NLRC3: variants seen among roughly 807,000 people sequenced by gnomAD.
The protein encoded by NLRC3 is NLR family CARD domain containing 3.
Under a neutral mutation model 91.6 loss-of-function variants are expected in NLRC3, and 87 were observed. The ratio of observed to expected loss-of-function variants is 0.95; its 90% CI spans 0.80 to 1.14. The LOEUF (loss-of-function observed/expected upper bound fraction) is 1.14. NLRC3 is among the 50% of genes most tolerant of loss of function. NLRC3 has a pLI of 0.00. For synonymous variants in NLRC3, 694 were observed against 625.3 expected, an observed-to-expected ratio of 1.11 and a Z score of -1.64; for missense variants, 1,577 against 1,418.6, an observed-to-expected ratio of 1.11 and a Z score of -1.79.
In NLRC3 at chr16:3,563,620, C is replaced by G; in HGVS notation, c.1317G>C (p.Leu439=). ...ACGATGCCAACGTCTCCTCTCTCTG[C>G]AGGAAGCAGCTGCACGGGGCGCCCT... ...LLQGAPCSCF[L]QREETLASSV... The change falls in exon 5 of 20, where the codon CTG becomes CTC. Residue 439 remains leucine, a synonymous_variant. Coordinates refer to ENST00000359128, the MANE Select transcript of NLRC3 (RefSeq NM_178844.4). 1 of 1,613,506 alleles carries G rather than the reference C, an allele frequency of 6.2e-7. No individual in the cohort carries two copies. The highest frequency in any genetic ancestry group is 1.3e-5 in the African/African-American group (1 of 75,056).
Position 3,563,262 on chromosome 16 carries a change from C to A in NLRC3, c.1675G>T (p.Ala559Ser). 1 of 1,605,322 alleles carries A rather than the reference C, an allele frequency of 6.2e-7. No homozygotes were observed. Among genetic ancestry groups the A allele is most frequent in the Non-Finnish European group, 8.5e-7 (1 of 1,177,646 alleles). The change falls in exon 5 of 20, where the codon GCA (alanine) becomes TCA (serine). Residue 559 changes from alanine (A) to serine (S), a missense_variant. Ala to Ser is a moderately conservative substitution (Grantham distance 99, BLOSUM62 1). Coordinates refer to ENST00000359128, the MANE Select transcript of NLRC3 (RefSeq NM_178844.4). ...LLQGCLRPDA[A>S]VCARAINVLH... ...ACGTTGATGGCCCGTGCACAGACTGCGGCATCGGGGCGCAGGCAGCCCTGC... is the reference window on the plus strand; with the variant it reads ...ACGTTGATGGCCCGTGCACAGACTGAGGCATCGGGGCGCAGGCAGCCCTGC...
At position 3,570,544 on chromosome 16, in the gene NLRC3, T is replaced by C. The variant is rs577668954; in HGVS notation, c.-168-3220A>G. Among the ~76,000 whole-genome samples the C allele has an allele frequency of 1.2e-4, 19 of 152,180 alleles. 1 individual carries two copies. The South Asian group carries it at 3.7e-3, about 30-fold the overall frequency. ...CTGGTGGTTAGTGCTGTGAGTGGAA[T>C]AAACTGTGAGTGACAAAGAAGCCTG... On this transcript the variant is annotated intron_variant, in intron 1 of 19. Coordinates refer to ENST00000359128, the MANE Select transcript of NLRC3 (RefSeq NM_178844.4).
intron 16 of NLRC3, 67 bp downstream of exon 16, chr16:3,544,179 A>AAT: frequency 1.1e-6 from 1 of 886,024 alleles, no homozygotes; most frequent in Non-Finnish European, 1.8e-6. Context: ...AAAAAAAAAA[A>AAT]GACCTCTAAC....
At chr16:3,551,212 C>G (rs2038978729) in intron 10 of NLRC3, among the ~76,000 whole-genome samples, 3 of 151,688 alleles carry the variant, frequency 2.0e-5, no homozygotes, top group African/African-American at 7.3e-5. Flanking sequence ...ATCCATTCAT[C>G]TATCCATTCA....
chr16:3,541,679 C>A lies in NLRC3; in HGVS notation c.*146G>T, dbSNP rs1349540328. 1 of 629,430 alleles carries A rather than the reference C, an allele frequency of 1.6e-6. No individual in the cohort carries two copies. The highest frequency in any genetic ancestry group is 2.8e-6 in the Non-Finnish European group (1 of 352,336). The allele number at this position is 629,430 out of a possible 1,614,324, so 39.0% of individuals were successfully genotyped here. A position where few individuals can be genotyped will look rare whatever the true frequency, so the allele number is the denominator to read the frequency against. ...AGGAGCTCACGACCTCCTCCGGCAG[C>A]ACCTCTCCTTCCTCCCTGCAGAGCC... On this transcript the variant is annotated 3_prime_UTR_variant, in exon 20 of 20. Transcript: ENST00000359128.
intron 7 of NLRC3, 77 bp downstream of exon 7, chr16:3,557,516 G>T: frequency 1.2e-6 from 1 of 824,296 alleles, no homozygotes; most frequent in Non-Finnish European, 2.1e-6. Flanking sequence ...TTCCTAGGAG[G>T]GAGGGGACTT....
At chr16:3,554,638 A>G (rs1167782637) in intron 8 of NLRC3, among the ~76,000 whole-genome samples, 1 of 152,242 alleles carries the variant, frequency 6.6e-6, no homozygotes, top group Non-Finnish European at 1.5e-5. Flanking sequence ...GTGAGAATAC[A>G]GAGAAACTGC....
intron 1 of NLRC3, among the ~76,000 whole-genome samples, chr16:3,574,877 G>A (rs1266791317): frequency 6.6e-5 from 10 of 152,074 alleles, no homozygotes; most frequent in East Asian, 1.9e-4. Context: ...CAGGAGAATC[G>A]CCTGAACTCA....
At chr16:3,558,461 C>T (rs540569782) in intron 6 of NLRC3, among the ~76,000 whole-genome samples, 7 of 152,104 alleles carry the variant, frequency 4.6e-5, no homozygotes, top group Non-Finnish European at 8.8e-5. Flanking sequence ...GAAAATTTAA[C>T]AATCAGCTTT....
At position 3,552,342 on chromosome 16, in the gene NLRC3, C is replaced by CGGTTCA. The variant is rs2039062405; in HGVS notation, c.2268-69_2268-64dup. ...GTCACAGCCATTCCCAGGCCAAGGA[C>CGGTTCA]GGTTCAGGTTCAAGGTCAGGGACAA... On this transcript the variant is annotated intron_variant, in intron 9 of 19. Transcript: ENST00000359128. 4 of 1,226,120 alleles carry CGGTTCA rather than the reference C, an allele frequency of 3.3e-6. 1 individual carries two copies. The Admixed American group carries it at 6.8e-5, about 21-fold the overall frequency. The allele number at this position is 1,226,120 out of a possible 1,614,324, so 76.0% of individuals were successfully genotyped here. A position where few individuals can be genotyped will look rare whatever the true frequency, so the allele number is the denominator to read the frequency against.
chr16:3,572,960 C>T (rs1184075353), intron 1 of NLRC3, among the ~76,000 whole-genome samples: 1 of 142,302 alleles, frequency 7.0e-6, no homozygotes, highest in African/African-American at 2.7e-5. Context: ...TGCAGTGAGC[C>T]GAGATGGTGC....
rs143480064 is a variant in NLRC3 at position 3,550,383 on chromosome 16, G to A, written c.2435+31C>T. The A allele has an allele frequency of 7.0e-4, 1,043 of 1,482,298 alleles. 5 individuals are homozygous for A. The African/African-American group carries it at 9.3e-3, about 13-fold the overall frequency. 91.8% of individuals were successfully genotyped at this position (1,482,298 alleles called of 1,614,324 possible). A position where few individuals can be genotyped will look rare whatever the true frequency, so the allele number is the denominator to read the frequency against. On this transcript the variant is annotated intron_variant, in intron 11 of 19. Transcript: ENST00000359128. ...ACTATCTACTGGAAAGAGAACCCAG[G>A]GGGAATCGTCACCCTGGCAGGTGGA...
rs1228562648 is a variant in NLRC3 at position 3,540,531 on chromosome 16, A to T, written c.*1294T>A. On this transcript the variant is annotated 3_prime_UTR_variant, in exon 20 of 20. Coordinates refer to ENST00000359128, the MANE Select transcript of NLRC3 (RefSeq NM_178844.4). The stretch of plus-strand genomic sequence containing the variant: ...AAGGAATGACATCACTGCCAGGTGC[A>T]GTGGCTCACACCTGTAATCCCAGCA... 1 of 152,214 alleles carries T rather than the reference A, an allele frequency of 6.6e-6. No individual in the cohort carries two copies. Among genetic ancestry groups the T allele is most frequent in the Non-Finnish European group, 1.5e-5 (1 of 68,080 alleles). 9.4% of individuals were successfully genotyped at this position (152,214 alleles called of 1,614,324 possible).
At chr16:3,542,126 G>T in intron 19 of NLRC3, 65 bp downstream of exon 19, 1 of 1,194,294 alleles carries the variant, frequency 8.4e-7, no homozygotes, top group Non-Finnish European at 1.2e-6. Context: ...CTCAGAACTG[G>T]GCAAAAGGCA....
intron 16 of NLRC3, 153 bp downstream of exon 16, chr16:3,544,093 G>T (rs1157067500): frequency 1.8e-5 from 11 of 595,532 alleles, no homozygotes; most frequent in Non-Finnish European, 3.0e-5. Context: ...AGGAGGTGGA[G>T]GTTACAGTTA....
At chr16:3,548,011 T>C (rs531725416) in intron 15 of NLRC3, 124 bp downstream of exon 15, 2 of 657,926 alleles carry the variant, frequency 3.0e-6, no homozygotes, top group East Asian at 5.5e-5. Flanking sequence ...ACATGCCAGC[T>C]GGCCTTAGGG....
chr16:3,565,053 T>A lies in NLRC3; in HGVS notation c.-17A>T, dbSNP rs762040696. On this transcript the variant is annotated 5_prime_UTR_variant, in exon 4 of 20. Coordinates refer to ENST00000359128, the MANE Select transcript of NLRC3 (RefSeq NM_178844.4). Reference sequence around the variant, plus strand: ...CTTCCTCATGGAGTCGGGGATCACCTCCAGGAGCTGTGAAGAGAGGGCCTG... The same window carrying A: ...CTTCCTCATGGAGTCGGGGATCACCACCAGGAGCTGTGAAGAGAGGGCCTG... The A allele has an allele frequency of 1.9e-6, 3 of 1,605,488 alleles. No homozygotes were observed. The highest frequency in any genetic ancestry group is 3.3e-5 in the Admixed American group (2 of 59,926).
rs374405680 is a variant in NLRC3 at position 3,542,732 on chromosome 16, C to T, written c.2983G>A (p.Ala995Thr). 5.5e-5 allele frequency: 89 copies of T among 1,610,604 alleles called. No homozygotes were observed. Among genetic ancestry groups the T allele is most frequent in the Non-Finnish European group, 7.5e-5 (88 of 1,178,548 alleles). ...AIGVAGAKAL[A>T]NALKVNSSLR... The stretch of plus-strand genomic sequence containing the variant: ...CTTGAGTTTACCTTCAGAGCATTTG[C>T]CAGGGCTTTGGCTCCAGCCACCCCA... The change falls in exon 18 of 20, where the codon GCA (alanine) becomes ACA (threonine). Residue 995 changes from alanine to threonine, a missense_variant. Physicochemically the swap from Ala to Thr is moderately conservative, Grantham distance 58. Coordinates refer to ENST00000359128, the MANE Select transcript of NLRC3 (RefSeq NM_178844.4).
rs980983213 is a variant in NLRC3 at position 3,543,566 on chromosome 16, C to A, written c.2856-58G>T. ...GGCTGGGCCCACCTCCCTCCGCATA[C>A]TCCGTTCCCTTTCACCACCCCTTGA... On this transcript the variant is annotated intron_variant, in intron 16 of 19. Coordinates refer to ENST00000359128, the MANE Select transcript of NLRC3 (RefSeq NM_178844.4). 21 of 1,155,412 alleles carry A rather than the reference C, an allele frequency of 1.8e-5. No individual in the cohort carries two copies. The South Asian group carries it at 2.7e-4, about 15-fold the overall frequency. 71.6% of individuals were successfully genotyped at this position (1,155,412 alleles called of 1,614,324 possible). A position where few individuals can be genotyped will look rare whatever the true frequency, so the allele number is the denominator to read the frequency against.
Sources: allele counts gnomAD v4.1 joint callset (sites outside exome capture counted in the v4.1 genomes callset), GRCh38; gene constraint gnomAD v4.1.1; transcripts MANE v1.5; gene names NCBI Gene and HGNC (gene_info 2026-07-23, HGNC 2026-07-21).